Variants in MFSD11 observed in about 807,000 individuals in gnomAD.
MFSD11 encodes the protein UNC93-like protein MFSD11.
A neutral mutation model predicts 53.5 loss-of-function variants in MFSD11; 36 were observed. That is an observed-to-expected ratio of 0.67 (90% CI 0.52 to 0.89). The LOEUF (loss-of-function observed/expected upper bound fraction) is 0.89. MFSD11 is among the 40% of genes least tolerant of loss of function. The pLI is 0.00. For missense variants in MFSD11, 530 were observed against 543.9 expected (o/e 0.97, Z 0.25); for synonymous variants, 186 against 184.9 (o/e 1.01, Z -0.05).
At chr17:76,795,820 AT>A in the MFSD11 span, among the ~76,000 whole-genome samples, 9,187 of 139,906 alleles carry the variant, frequency 0.066, 841 homozygotes, top group African/African-American at 0.22. Context: ...CGCCCGGCTA[AT>A]TTTTTTTTTT....
At chr17:76,769,895 G>T in intron 10 of MFSD11, 24 bp downstream of exon 10, 1 of 1,599,110 alleles carries the variant, frequency 6.3e-7, no homozygotes, top group Non-Finnish European at 8.5e-7. Context: ...AAAAGCGTTT[G>T]CATTAAAAAT....
downstream of MFSD11, chr17:76,781,559 G>T (rs766406915): frequency 3.9e-5 from 6 of 152,142 alleles, no homozygotes; most frequent in Non-Finnish European, 7.3e-5. Context: ...CCCAAGCCTC[G>T]CATTCTCCAG....
chr17:76,737,041 G>C (rs1221877876), upstream of MFSD11: 1 of 1,613,368 alleles, frequency 6.2e-7, no homozygotes, highest in East Asian at 2.2e-5. Flanking sequence ...ACACGTCGCC[G>C]ACGCGCCCGT....
At chr17:76,780,796 G>C (rs2082146582), downstream of MFSD11, among the ~76,000 whole-genome samples, 1 of 152,150 alleles carries the variant, frequency 6.6e-6, no homozygotes, top group Non-Finnish European at 1.5e-5. Context: ...TTACAGGCGT[G>C]AGCCACTGCG....
chr17:76,779,610 A>C (rs2082102239), downstream of MFSD11, among the ~76,000 whole-genome samples: 1 of 152,014 alleles, frequency 6.6e-6, no homozygotes, highest in Non-Finnish European at 1.5e-5. Flanking sequence ...TTAGCCTCCC[A>C]ACTAGCTAGG....
Position 76,738,267 on chromosome 17 carries a change from C to G in MFSD11, c.-86C>G. On this transcript the variant is annotated 5_prime_UTR_variant, in exon 1 of 13. Transcript: ENST00000685175. Reference sequence around the variant, plus strand: ...CATCTGCCTTCTCCACTCACCATCTCATTTCTTTCTCCAGGATTGTCAGTG... The same window carrying G: ...CATCTGCCTTCTCCACTCACCATCTGATTTCTTTCTCCAGGATTGTCAGTG... 1 of 853,018 alleles carries G rather than the reference C, an allele frequency of 1.2e-6. No individual in the cohort carries two copies. The highest frequency in any genetic ancestry group is 2.0e-6 in the Non-Finnish European group (1 of 512,762). 52.8% of individuals were successfully genotyped at this position (853,018 alleles called of 1,614,324 possible).
intron 8 of MFSD11, chr17:76,766,909 A>G (rs1429425889): frequency 6.5e-6 from 1 of 154,864 alleles, no homozygotes; most frequent in Non-Finnish European, 1.4e-5. Context: ...CAGTCCTCAG[A>G]GCTACAGAGT....
intron 8 of MFSD11, among the ~76,000 whole-genome samples, chr17:76,755,258 G>A (rs1056962354): frequency 3.3e-5 from 5 of 151,976 alleles, no homozygotes; most frequent in African/African-American, 1.2e-4. Flanking sequence ...CAACCAGTTA[G>A]TAGGTGGCTG....
At chr17:76,748,106 G>C (rs1250137496) in intron 7 of MFSD11, 2 of 143,348 alleles carry the variant, frequency 1.4e-5, no homozygotes, top group Admixed American at 6.8e-5. Flanking sequence ...GTGGGGGGGA[G>C]GGGGGAGAGT....
the MFSD11 span, among the ~76,000 whole-genome samples, chr17:76,789,435 A>G: frequency 6.7e-6 from 1 of 150,026 alleles, no homozygotes; most frequent in African/African-American, 2.4e-5. Context: ...TTACCAGTCA[A>G]GCATTCCCAG....
At position 76,776,605 on chromosome 17, in the gene MFSD11, TTCC is replaced by T; in HGVS notation, c.1185+66_1185+68del. ...TCTTCCCTTTGTGTATTGCCTTGTT[TTCC>T]TTGGTTACTTGTATTGTGGTTTTAA... is the stretch of plus-strand genomic sequence containing the variant. On this transcript the variant is annotated intron_variant, in intron 12 of 12. Transcript: ENST00000685175. The surrounding 1 kb of genome is among the most constrained non-coding windows in gnomAD (Gnocchi z 4.2). The T allele has an allele frequency of 6.8e-7, 1 of 1,460,904 alleles. No individual in the cohort carries two copies. Among genetic ancestry groups the T allele is most frequent in the East Asian group, 2.4e-5 (1 of 40,988 alleles). The allele number at this position is 1,460,904 out of a possible 1,614,324, so 90.5% of individuals were successfully genotyped here.
the MFSD11 span, among the ~76,000 whole-genome samples, chr17:76,792,919 A>G: frequency 6.6e-6 from 1 of 151,410 alleles, no homozygotes; most frequent in Non-Finnish European, 1.5e-5. Context: ...ACATGTCGGT[A>G]GGTTCCTTGA....
downstream of MFSD11, among the ~76,000 whole-genome samples, chr17:76,785,791 C>T (rs1373338028): frequency 6.6e-6 from 1 of 151,956 alleles, no homozygotes; most frequent in African/African-American, 2.4e-5. Flanking sequence ...ATTTTTATCA[C>T]AATTAATGGC....
the MFSD11 span, among the ~76,000 whole-genome samples, chr17:76,801,515 C>T: frequency 4.1e-5 from 6 of 147,654 alleles, no homozygotes; most frequent in African/African-American, 1.3e-4. Flanking sequence ...GGCATGATCT[C>T]AGCTCACTGC....
downstream of MFSD11, among the ~76,000 whole-genome samples, chr17:76,786,079 A>G (rs1392521636): frequency 6.6e-6 from 1 of 151,320 alleles, no homozygotes; most frequent in Non-Finnish European, 1.5e-5. Context: ...CATCTCAAAA[A>G]AAAAAAAAAA....
intron 5 of MFSD11, among the ~76,000 whole-genome samples, chr17:76,742,610 C>A (rs1234066698): frequency 6.6e-6 from 1 of 151,886 alleles, no homozygotes; most frequent in Admixed American, 6.6e-5. Flanking sequence ...TCAAGCAATT[C>A]TCCTGCCTTA....
At chr17:76,778,005 C>T (rs1391054552) in intron 12 of MFSD11, among the ~76,000 whole-genome samples, 183 bp from the exon 13 acceptor site, 1 of 152,036 alleles carries the variant, frequency 6.6e-6, no homozygotes, top group East Asian at 1.9e-4. Flanking sequence ...GGAACTGTGG[C>T]AGGAGTTTAT....
At chr17:76,801,364 C>CAAAAAAAAAAAAAAA in the MFSD11 span, among the ~76,000 whole-genome samples, 2 of 72,236 alleles carry the variant, frequency 2.8e-5, no homozygotes, top group Admixed American at 2.3e-4. Context: ...GGCTCTGTCT[C>CAAAAAAAAAAAAAAA]AAAAAAAAAA....
intron 7 of MFSD11, among the ~76,000 whole-genome samples, chr17:76,751,221 C>G (rs2079024490): frequency 6.6e-6 from 1 of 151,512 alleles, no homozygotes; most frequent in African/African-American, 2.4e-5. Flanking sequence ...AAACCCATCT[C>G]TACTAAAAAT....
Sources: gnomAD v4.1 joint callset for allele counts (sites outside exome capture counted in the v4.1 genomes callset) on GRCh38, gnomAD v4.1.1 for gene constraint, Gnocchi (gnomAD v3.1) non-coding constraint, MANE v1.5 for transcripts, NCBI Gene and HGNC (gene_info 2026-07-23, HGNC 2026-07-21) for gene names.